Variants in UPF1 observed in about 807,000 individuals in gnomAD.
UPF1 encodes regulator of nonsense transcripts 1.
UPF1 carries 9 observed loss-of-function variants against 129.2 expected under a neutral mutation model. The ratio of observed to expected loss-of-function variants is 0.07; its 90% CI spans 0.04 to 0.12. The LOEUF is 0.12. UPF1 is among the 10% of genes least tolerant of loss of function. The pLI, the probability that UPF1 is intolerant of heterozygous loss-of-function variation, is 1.00. For missense variants in UPF1, 788 were observed against 1,525.3 expected, an observed-to-expected ratio of 0.52 and a Z score of 8.05; for synonymous variants, 649 against 644.9, an observed-to-expected ratio of 1.01 and a Z score of -0.10.
chr19:18,852,734 C>G (rs2055674310), intron 6 of UPF1, among the ~76,000 whole-genome samples: 1 of 151,652 alleles, frequency 6.6e-6, no homozygotes, highest in South Asian at 2.1e-4. Context: ...CAGCTGCTCC[C>G]TGGCCACGGA....
At chr19:18,855,287 AGG>A in intron 11 of UPF1, 45 bp downstream of exon 11, 2 of 1,590,316 alleles carry the variant, frequency 1.3e-6, no homozygotes, top group Middle Eastern at 1.8e-4. Flanking sequence ...GGAGGGCTTT[AGG>A]GTGGCCAGAT....
chr19:18,855,612 C>T (rs775368378), intron 11 of UPF1: 10 of 490,754 alleles, frequency 2.0e-5, no homozygotes, highest in South Asian at 1.2e-4. Context: ...CCTTCGGCAT[C>T]GTGTCATTAC....
chr19:18,856,845 A>AGG, intron 13 of UPF1, 32 bp from the exon 14 acceptor site: 1 of 1,594,280 alleles, frequency 6.3e-7, no homozygotes, highest in South Asian at 1.1e-5. Context: ...TTTACAGTGC[A>AGG]GGTGCCCTGA....
chr19:18,855,354 C>G (rs551727214), intron 11 of UPF1, 112 bp downstream of exon 11: 3 of 1,175,416 alleles, frequency 2.6e-6, no homozygotes, highest in African/African-American at 1.5e-5. Flanking sequence ...GAGCACGTGG[C>G]GGGTAGTGTC....
chr19:18,863,240 A>G lies in UPF1; in HGVS notation c.2601-198A>G, dbSNP rs1235393804. 3 of 646,466 alleles carry G rather than the reference A, an allele frequency of 4.6e-6. No individual in the cohort carries two copies. The East Asian group carries it at 8.1e-5, about 17-fold the overall frequency. 40.0% of individuals were successfully genotyped at this position (646,466 alleles called of 1,614,324 possible). ...GGGGCTGCTTAGAGTCGGCCACAAA[A>G]TCAACCCGTGTGCAGGGTCAGTGGC... On this transcript the variant is annotated intron_variant, in intron 18 of 23. Transcript: ENST00000262803.
Position 18,850,389 on chromosome 19 carries a change from A to G in UPF1, c.629+147A>G. 8.3e-7 allele frequency: 1 copy of G among 1,209,786 alleles called. No homozygotes were observed. The highest frequency in any genetic ancestry group is 1.6e-5 in the South Asian group (1 of 63,406). 74.9% of individuals were successfully genotyped at this position (1,209,786 alleles called of 1,614,324 possible). A position where few individuals can be genotyped will look rare whatever the true frequency, so the allele number is the denominator to read the frequency against. ...TTTTTGCTGAAGGGTGAGGCATGAG[A>G]GCGTTTAGGCGCTGAGGCTTGTTAA... On this transcript the variant is annotated intron_variant, in intron 4 of 23. Coordinates refer to ENST00000262803, the MANE Select transcript of UPF1 (RefSeq NM_002911.4). The surrounding 1 kb of genome is among the most constrained non-coding windows in gnomAD (Gnocchi z 7.1).
intron 1 of UPF1, among the ~76,000 whole-genome samples, chr19:18,845,769 G>A (rs1383276627): frequency 6.6e-6 from 1 of 152,122 alleles, no homozygotes; most frequent in Admixed American, 6.5e-5. Flanking sequence ...GACCAGCTGT[G>A]TGGGGGACCG....
At chr19:18,835,755 CT>C (rs1394093458) in intron 1 of UPF1, among the ~76,000 whole-genome samples, 1 of 152,148 alleles carries the variant, frequency 6.6e-6, no homozygotes, top group African/African-American at 2.4e-5. Flanking sequence ...TTGTTTCCAC[CT>C]CTTGGCTTTT....
In UPF1 at chr19:18,860,836, G is replaced by A. The variant is rs1412098407; in HGVS notation, c.2311G>A (p.Ala771Thr). The A allele has an allele frequency of 7.4e-6, 12 of 1,612,434 alleles. No homozygotes were observed. The highest frequency in any genetic ancestry group is 5.5e-5 in the South Asian group (5 of 90,876). ...GCCTGGGTTTCTTAGGACCGAGGCT[G>A]CGAACGTGGAGAAGATCACCACGAA... ...GTSYLNRTEA[A>T]NVEKITTKLL... The change falls in exon 17 of 24, where the codon GCG becomes ACG. Residue 771 changes from alanine to threonine, a missense_variant. This residue lies in a region of UPF1 where 140 missense variants were observed against 385.9 expected (regional missense o/e 0.36). Coordinates refer to ENST00000262803, the MANE Select transcript of UPF1 (RefSeq NM_002911.4).
chr19:18,854,976 A>C lies in UPF1; in HGVS notation c.1363A>C (p.Ile455Leu). 6.2e-7 allele frequency: 1 copy of C among 1,614,202 alleles called. No homozygotes were observed. The highest frequency in any genetic ancestry group is 1.1e-5 in the South Asian group (1 of 91,090). Residue 455 changes from isoleucine to leucine, a missense_variant, in exon 10 of 24, where the codon ATC (isoleucine) becomes CTC (leucine). Around this residue, in one of 6 missense-constraint regions of UPF1, gnomAD observed 227 missense variants for 517.9 expected, o/e 0.44. Transcript: ENST00000262803. ...GGGCCACGAGGTGGAGGACGTAATC[A>C]TCAAGTGCCAGCTGCCCAAGCGCTT... ...LLGHEVEDVI[I>L]KCQLPKRFTA...
intron 15 of UPF1, among the ~76,000 whole-genome samples, chr19:18,857,796 A>G (rs529596196): frequency 1.3e-5 from 2 of 152,340 alleles, no homozygotes; most frequent in Non-Finnish European, 2.9e-5. Flanking sequence ...GGCAGCATGC[A>G]CAGCAGCCAG....
chr19:18,859,421 A>T (rs1304279056), intron 15 of UPF1: 1 of 152,154 alleles, frequency 6.6e-6, no homozygotes, highest in Admixed American at 6.6e-5. Context: ...ACCCAGAACC[A>T]CCTGACCAGC....
chr19:18,864,450 C>A (rs997690286), intron 20 of UPF1, among the ~76,000 whole-genome samples, 199 bp downstream of exon 20: 1 of 152,228 alleles, frequency 6.6e-6, no homozygotes, highest in Non-Finnish European at 1.5e-5. Context: ...AGAGTTTATT[C>A]ATTTGTGTTT....
chr19:18,836,575 G>A (rs73526907), intron 1 of UPF1, among the ~76,000 whole-genome samples: 1 of 152,058 alleles, frequency 6.6e-6, no homozygotes, highest in Non-Finnish European at 1.5e-5. Flanking sequence ...CAGGAAACTT[G>A]GGGGTAATGG....
Position 18,852,149 on chromosome 19 carries a change from C to T in UPF1, c.825C>T (p.Ala275=). 1.2e-6 allele frequency: 2 copies of T among 1,606,936 alleles called. No homozygotes were observed. The highest frequency in any genetic ancestry group is 1.7e-6 in the Non-Finnish European group (2 of 1,176,900). Residue 275 remains alanine, a synonymous_variant, in exon 6 of 24, where the codon GCC becomes GCT. Coordinates refer to ENST00000262803, the MANE Select transcript of UPF1 (RefSeq NM_002911.4). ...LEELWKENPS[A]TLEDLEKPGV... ...TTGTCTTCTAGGAAAACCCTTCTGC[C>T]ACGCTGGAGGACCTGGAGAAGCCGG... is the stretch of plus-strand genomic sequence containing the variant.
chr19:18,832,088 GTCCTT>G lies in UPF1; in HGVS notation c.-118_-114del. The G allele has an allele frequency of 9.9e-7, 1 of 1,008,688 alleles. No individual in the cohort carries two copies. The highest frequency in any genetic ancestry group is 1.3e-6 in the Non-Finnish European group (1 of 766,390). 62.5% of individuals were successfully genotyped at this position (1,008,688 alleles called of 1,614,324 possible). A position where few individuals can be genotyped will look rare whatever the true frequency, so the allele number is the denominator to read the frequency against. ...GGCTGGCGCCGGGGCGCGCGGTTTG[GTCCTT>G]TCCGGGCGCGCGGGGGCGACAGCGG... On this transcript the variant is annotated 5_prime_UTR_variant, in exon 1 of 24. Coordinates refer to ENST00000262803, the MANE Select transcript of UPF1 (RefSeq NM_002911.4). This position sits in a 1 kb window ranked among gnomAD's most constrained non-coding sequence, Gnocchi z 5.6.
chr19:18,841,163 C>A (rs1013851903), intron 1 of UPF1, among the ~76,000 whole-genome samples: 3 of 152,258 alleles, frequency 2.0e-5, no homozygotes, highest in Admixed American at 6.5e-5. Flanking sequence ...ACGATGAATT[C>A]TCTAACATAC....
At chr19:18,860,149 G>A (rs1045072476) in intron 15 of UPF1, 172 bp from the exon 16 acceptor site, 2 of 691,492 alleles carry the variant, frequency 2.9e-6, no homozygotes, top group Admixed American at 4.7e-5. Flanking sequence ...CCAATCCTGG[G>A]CATCTCTGGC....
Position 18,844,203 on chromosome 19 carries a change from G to T in UPF1, c.232-1777G>T, listed in dbSNP as rs139255712. On this transcript the variant is annotated intron_variant, in intron 1 of 23. Transcript: ENST00000262803. The stretch of plus-strand genomic sequence containing the variant: ...AGGAGTTAGAGACTCCAGCTCTGGG[G>T]CCTCGTGTATGACTAGGAAGTGGGA... Among the ~76,000 whole-genome samples, 580 of 150,780 alleles carry T rather than the reference G, an allele frequency of 3.8e-3. 8 individuals are homozygous for T. Among genetic ancestry groups the T allele is most frequent in the African/African-American group, 0.014 (564 of 41,002 alleles).
Sources: gnomAD v4.1 joint callset for allele counts (sites outside exome capture counted in the v4.1 genomes callset) on GRCh38, gnomAD v4.1.1 for gene constraint, gnomAD v4.1.1 regional missense constraint, Gnocchi (gnomAD v3.1) non-coding constraint, MANE v1.5 for transcripts, NCBI Gene and HGNC (gene_info 2026-07-23, HGNC 2026-07-21) for gene names.